Variants in IFT88 observed in about 807,000 individuals in gnomAD.
IFT88 encodes intraflagellar transport 88.
A neutral mutation model predicts 119.5 loss-of-function variants in IFT88; 74 were observed. The observed-to-expected ratio is 0.62, with a 90% CI of 0.51 to 0.75. The LOEUF is 0.75. Among genes scored for constraint, IFT88 ranks in the 30% least tolerant of loss-of-function variants. The pLI, the probability that IFT88 is intolerant of heterozygous loss-of-function variation, is 0.00. For missense variants in IFT88, 961 were observed against 977.7 expected (o/e 0.98, Z 0.23); for synonymous variants, 279 against 316.7 (o/e 0.88, Z 1.26).
intron 24 of IFT88, among the ~76,000 whole-genome samples, chr13:20,688,733 T>C (rs1426314755): frequency 6.6e-6 from 1 of 152,048 alleles, no homozygotes; most frequent in East Asian, 1.9e-4. Context: ...GTAATTATTA[T>C]TTATTTATAT....
At chr13:20,603,216 A>T (rs932113385) in intron 12 of IFT88, among the ~76,000 whole-genome samples, 1 of 152,006 alleles carries the variant, frequency 6.6e-6, no homozygotes. Context: ...TGAACTTTTA[A>T]TAGATTTTCT....
intron 24 of IFT88, among the ~76,000 whole-genome samples, chr13:20,685,949 T>C (rs2141258840): frequency 6.6e-6 from 1 of 152,368 alleles, no homozygotes; most frequent in South Asian, 2.1e-4. Context: ...AATAATTTTG[T>C]ACACACATAT....
chr13:20,610,146 A>G (rs1325682616), intron 13 of IFT88, among the ~76,000 whole-genome samples: 1 of 151,084 alleles, frequency 6.6e-6, no homozygotes, highest in African/African-American at 2.4e-5. Context: ...TTTGATTGGA[A>G]TTCTGTATTT....
At chr13:20,667,336 T>C (rs2054879576) in intron 23 of IFT88, among the ~76,000 whole-genome samples, 1 of 152,234 alleles carries the variant, frequency 6.6e-6, no homozygotes, top group African/African-American at 2.4e-5. Context: ...AAGTGTTTAC[T>C]GTGCTCCTAA....
At chr13:20,643,672 A>G (rs2050299239) in intron 19 of IFT88, 67 bp downstream of exon 19, 3 of 1,097,118 alleles carry the variant, frequency 2.7e-6, no homozygotes. Context: ...AGAAGGCAGC[A>G]AGGCTTTAAA....
Position 20,670,976 on chromosome 13 carries a change from A to T in IFT88, c.2179A>T (p.Ile727Leu), listed in dbSNP as rs1464701744. Reference sequence around the variant, plus strand: ...ACTTGTCTTCTCTTTGCTCTAGCGCATAAAGTCAGGCAGAGATGGCAGTGG... The same window carrying T: ...ACTTGTCTTCTCTTTGCTCTAGCGCTTAAAGTCAGGCAGAGATGGCAGTGG... Reference protein sequence around the residue: ...EKMKEIREQRIKSGRDGSGGS... With the variant: ...EKMKEIREQRLKSGRDGSGGS... The change falls in exon 24 of 26, where the codon ATA becomes TTA. Residue 727 changes from isoleucine (I) to leucine (L), a missense_variant. Transcript: ENST00000351808. 6.2e-7 allele frequency: 1 copy of T among 1,613,882 alleles called. No individual in the cohort carries two copies. Among genetic ancestry groups the T allele is most frequent in the East Asian group, 2.2e-5 (1 of 44,870 alleles).
chr13:20,666,613 T>G (rs1404180897), intron 23 of IFT88, among the ~76,000 whole-genome samples: 3 of 152,252 alleles, frequency 2.0e-5, no homozygotes, highest in Admixed American at 6.5e-5. Context: ...TTTATTCACT[T>G]AATTTGTTCA....
At chr13:20,660,754 A>G (rs2053651552) in intron 22 of IFT88, among the ~76,000 whole-genome samples, 1 of 152,206 alleles carries the variant, frequency 6.6e-6, no homozygotes, top group Non-Finnish European at 1.5e-5. Flanking sequence ...ACTGAGATGT[A>G]GGAAACTGGG....
chr13:20,593,162 T>A (rs906296471), intron 7 of IFT88, among the ~76,000 whole-genome samples: 1 of 152,212 alleles, frequency 6.6e-6, no homozygotes, highest in Admixed American at 6.5e-5. Flanking sequence ...TTAGTGCTAG[T>A]GGCTAGACAG....
intron 1 of IFT88, chr13:20,567,861 TTTG>T: frequency 2.0e-6 from 2 of 981,484 alleles, no homozygotes; most frequent in Non-Finnish European, 2.9e-6. Context: ...GTGAGTTTTT[TTTG>T]TTTGTTTTTT....
rs373718900 is a variant in IFT88, at chr13:20,670,973, C to A, written c.2176C>A (p.Arg726Ser). The change falls in exon 24 of 26, where the codon CGC becomes AGC. Residue 726 changes from arginine (R) to serine (S), a missense_variant and splice_region_variant. By Grantham distance (110) the Arg-to-Ser change is moderately radical. Transcript: ENST00000351808. Reference protein sequence around the residue: ...LEKMKEIREQRIKSGRDGSGG... With the variant: ...LEKMKEIREQSIKSGRDGSGG... ...TAAACTTGTCTTCTCTTTGCTCTAGCGCATAAAGTCAGGCAGAGATGGCAG... is the reference window on the plus strand; with the variant it reads ...TAAACTTGTCTTCTCTTTGCTCTAGAGCATAAAGTCAGGCAGAGATGGCAG... The A allele has an allele frequency of 7.4e-6, 12 of 1,613,074 alleles. No individual in the cohort carries two copies. The highest frequency in any genetic ancestry group is 9.3e-6 in the Non-Finnish European group (11 of 1,179,390).
At chr13:20,607,660 C>G (rs2043743475) in intron 13 of IFT88, 1 of 881,436 alleles carries the variant, frequency 1.1e-6, no homozygotes, top group Non-Finnish European at 1.9e-6. Flanking sequence ...TGGTGGACCT[C>G]TCAGCTTTCC....
intron 14 of IFT88, among the ~76,000 whole-genome samples, chr13:20,619,146 C>G (rs1405583824): frequency 6.6e-6 from 1 of 151,992 alleles, no homozygotes; most frequent in East Asian, 1.9e-4. Context: ...TATTTTTAAC[C>G]TTTTTTCTGG....
chr13:20,645,056 C>T (rs987735523), intron 20 of IFT88, 98 bp downstream of exon 20: 66 of 552,582 alleles, frequency 1.2e-4, no homozygotes, highest in Non-Finnish European at 2.0e-4. Flanking sequence ...AATTCAAGAA[C>T]AGATGTTGAT....
chr13:20,663,484 A>T lies in IFT88; in HGVS notation c.2069-14A>T. ...TGCCTATATTCTTTCCTAAATGTATATTTTACAATTTAGGTCTGCGTTTCT... is the reference window on the plus strand; with the variant it reads ...TGCCTATATTCTTTCCTAAATGTATTTTTTACAATTTAGGTCTGCGTTTCT... On this transcript the variant is annotated splice_polypyrimidine_tract_variant and intron_variant, in intron 22 of 25. Coordinates refer to ENST00000351808, the MANE Select transcript of IFT88 (RefSeq NM_006531.5). 6.2e-7 allele frequency: 1 copy of T among 1,611,160 alleles called. No individual in the cohort carries two copies. The highest frequency in any genetic ancestry group is 8.5e-7 in the Non-Finnish European group (1 of 1,178,616).
At chr13:20,675,688 C>T (rs974294815) in intron 24 of IFT88, among the ~76,000 whole-genome samples, 1 of 152,166 alleles carries the variant, frequency 6.6e-6, no homozygotes, top group Non-Finnish European at 1.5e-5. Context: ...TTGAAAGCAG[C>T]TGTACACAGC....
intron 17 of IFT88, 123 bp from the exon 18 acceptor site, chr13:20,641,167 T>G: frequency 1.6e-6 from 1 of 628,576 alleles, no homozygotes; most frequent in Non-Finnish European, 2.6e-6. Flanking sequence ...AAACCTGAGT[T>G]CATCTTCATT....
chr13:20,647,455 T>A (rs1232093238), intron 20 of IFT88, among the ~76,000 whole-genome samples: 1 of 152,204 alleles, frequency 6.6e-6, no homozygotes, highest in Non-Finnish European at 1.5e-5. Flanking sequence ...ATAGTTGAAT[T>A]AAATTAAATT....
intron 21 of IFT88, among the ~76,000 whole-genome samples, 167 bp downstream of exon 21, chr13:20,654,095 C>CA (rs1285005369): frequency 6.6e-6 from 1 of 152,058 alleles, no homozygotes; most frequent in African/African-American, 2.4e-5. Context: ...TTACTACATA[C>CA]AAAAAAGTTA....
Sources: allele counts gnomAD v4.1 joint callset (sites outside exome capture counted in the v4.1 genomes callset), GRCh38; gene constraint gnomAD v4.1.1; transcripts MANE v1.5; gene names NCBI Gene and HGNC (gene_info 2026-07-23, HGNC 2026-07-21).